The following HSD17B3 variants were observed in gnomAD, a reference collection of about 807,000 sequenced individuals.
HSD17B3 encodes 17-beta-hydroxysteroid dehydrogenase type 3.
Under a neutral mutation model 41.1 loss-of-function variants are expected in HSD17B3, and 29 were observed. The observed-to-expected ratio is 0.71, with a 90% CI of 0.53 to 0.96. The LOEUF (loss-of-function observed/expected upper bound fraction) is 0.96, where lower values mean the gene tolerates loss of function less well. Among genes scored for constraint, HSD17B3 ranks in the 40% least tolerant of loss-of-function variants. The pLI is 0.00. For synonymous variants in HSD17B3, 126 were observed against 145.6 expected (o/e 0.87, Z 0.97); for missense variants, 323 against 374.6 (o/e 0.86, Z 1.14).
intron 2 of HSD17B3, among the ~76,000 whole-genome samples, chr9:96,291,324 G>C (rs984472180): frequency 2.0e-5 from 3 of 151,716 alleles, no homozygotes; most frequent in Non-Finnish European, 4.4e-5. Flanking sequence ...GGTATCAGCA[G>C]AGGCCCAGGA....
At chr9:96,248,183 A>T (rs1385402460) in intron 6 of HSD17B3, among the ~76,000 whole-genome samples, 2 of 152,332 alleles carry the variant, frequency 1.3e-5, no homozygotes, top group Admixed American at 6.5e-5. Flanking sequence ...ACAGTTAGAC[A>T]TATAAAACTC....
intron 2 of HSD17B3, among the ~76,000 whole-genome samples, chr9:96,265,826 T>C (rs1826026880): frequency 6.6e-6 from 1 of 152,128 alleles, no homozygotes; most frequent in Admixed American, 6.5e-5. Context: ...CCCATCAGAG[T>C]GGGAGATTTC....
intron 1 of HSD17B3, 106 bp downstream of exon 1, chr9:96,301,845 C>T (rs1827624810): frequency 1.5e-5 from 19 of 1,257,798 alleles, no homozygotes; most frequent in Non-Finnish European, 2.0e-5. Context: ...CGCGCCATTG[C>T]ACTCCAGCCT....
chr9:96,250,485 C>A (rs368844751), intron 5 of HSD17B3: 2 of 1,056,050 alleles, frequency 1.9e-6, no homozygotes, highest in African/African-American at 1.7e-5. Flanking sequence ...CGATGGGATA[C>A]CTGCAGAAGT....
At chr9:96,270,579 G>A (rs1826203313) in intron 2 of HSD17B3, among the ~76,000 whole-genome samples, 1 of 152,218 alleles carries the variant, frequency 6.6e-6, no homozygotes, top group Non-Finnish European at 1.5e-5. Flanking sequence ...TCAAAAATAG[G>A]GCAAGGCAGT....
At chr9:96,263,561 A>G (rs944814418) in intron 2 of HSD17B3, among the ~76,000 whole-genome samples, 1 of 151,798 alleles carries the variant, frequency 6.6e-6, no homozygotes, top group East Asian at 1.9e-4. Context: ...ACTAAAAAAA[A>G]AAAAGAAAAA....
At chr9:96,260,780 A>G (rs1212204639) in intron 2 of HSD17B3, among the ~76,000 whole-genome samples, 1 of 152,126 alleles carries the variant, frequency 6.6e-6, no homozygotes, top group Non-Finnish European at 1.5e-5. Context: ...TAAATAAATA[A>G]ACAATAAATT....
intron 10 of HSD17B3, among the ~76,000 whole-genome samples, chr9:96,235,775 C>A (rs1836213414): frequency 6.6e-6 from 1 of 152,164 alleles, no homozygotes; most frequent in African/African-American, 2.4e-5. Flanking sequence ...TCCTTTTAAA[C>A]TCCTTTGGAC....
intron 2 of HSD17B3, among the ~76,000 whole-genome samples, chr9:96,257,679 T>C (rs1341058881): frequency 6.6e-6 from 1 of 152,242 alleles, no homozygotes; most frequent in African/African-American, 2.4e-5. Flanking sequence ...GACCTTTGAA[T>C]GAGCACTTAG....
intron 10 of HSD17B3, among the ~76,000 whole-genome samples, chr9:96,237,510 GT>G (rs1836278658): frequency 6.6e-6 from 1 of 152,194 alleles, no homozygotes; most frequent in Non-Finnish European, 1.5e-5. Context: ...GCACGACAGG[GT>G]CTCTGTAGGT....
chr9:96,261,641 G>A (rs549211020), intron 2 of HSD17B3, among the ~76,000 whole-genome samples: 28 of 152,298 alleles, frequency 1.8e-4, no homozygotes, highest in Non-Finnish European at 3.8e-4. Context: ...GCACCTCCAC[G>A]GGGAGAACCC....
chr9:96,294,540 G>C (rs1346908597), intron 2 of HSD17B3, among the ~76,000 whole-genome samples: 1 of 152,214 alleles, frequency 6.6e-6, no homozygotes, highest in Non-Finnish European at 1.5e-5. Flanking sequence ...TCTTGCGATA[G>C]CAAGGGACCA....
At chr9:96,248,108 C>T (rs1836745237) in intron 6 of HSD17B3, among the ~76,000 whole-genome samples, 1 of 152,158 alleles carries the variant, frequency 6.6e-6, no homozygotes, top group Admixed American at 6.5e-5. Flanking sequence ...TATGATCAAA[C>T]AGCCCAAGAC....
At chr9:96,283,651 G>A (rs1384881836) in intron 2 of HSD17B3, among the ~76,000 whole-genome samples, 1 of 151,988 alleles carries the variant, frequency 6.6e-6, no homozygotes, top group East Asian at 1.9e-4. Flanking sequence ...ATGCCACAAA[G>A]GTAACCAAAT....
At chr9:96,253,623 G>A (rs1825514461) in intron 3 of HSD17B3, among the ~76,000 whole-genome samples, 1 of 152,162 alleles carries the variant, frequency 6.6e-6, no homozygotes, top group African/African-American at 2.4e-5. Context: ...CCACTACTCT[G>A]TGTTAACTTG....
intron 2 of HSD17B3, among the ~76,000 whole-genome samples, chr9:96,263,602 G>A (rs375548419): frequency 2.0e-5 from 3 of 151,812 alleles, no homozygotes; most frequent in East Asian, 1.9e-4. Flanking sequence ...GGTGGCGGGC[G>A]CCTGTAGTCC....
chr9:96,301,927 A>T, intron 1 of HSD17B3, 24 bp downstream of exon 1: 1 of 1,613,008 alleles, frequency 6.2e-7, no homozygotes, highest in Non-Finnish European at 8.5e-7. Flanking sequence ...CAGCAAAAAA[A>T]CATGAGATGG....
At chr9:96,282,869 G>A (rs1255873779) in intron 2 of HSD17B3, among the ~76,000 whole-genome samples, 2 of 151,820 alleles carry the variant, frequency 1.3e-5, no homozygotes, top group Non-Finnish European at 2.9e-5. Flanking sequence ...TGGAAGGTTT[G>A]TGAAAAAAAT....
intron 2 of HSD17B3, among the ~76,000 whole-genome samples, chr9:96,293,467 AC>A: frequency 6.6e-6 from 1 of 152,174 alleles, no homozygotes; most frequent in Admixed American, 6.5e-5. Flanking sequence ...TTTGGGACAC[AC>A]CAGCCTCCAT....
Sources: gnomAD v4.1 joint callset for allele counts (sites outside exome capture counted in the v4.1 genomes callset) on GRCh38, gnomAD v4.1.1 for gene constraint, MANE v1.5 for transcripts, NCBI Gene and HGNC (gene_info 2026-07-23, HGNC 2026-07-21) for gene names.